Variants in FYB1 observed in about 807,000 individuals in gnomAD.
FYB1 encodes FYN-binding protein 1.
A neutral mutation model predicts 94.1 loss-of-function variants in FYB1; 41 were observed. The observed-to-expected ratio is 0.44, with a 90% CI of 0.34 to 0.57. The LOEUF (loss-of-function observed/expected upper bound fraction) is 0.57. FYB1 is among the 20% of genes least tolerant of loss of function. FYB1 has a pLI of 0.02. For missense variants in FYB1, 1,050 were observed against 976.8 expected (o/e 1.07, Z -1.00); for synonymous variants, 367 against 353.2 (o/e 1.04, Z -0.44).
rs200574314 is a variant in FYB1 at position 39,202,609 on chromosome 5, T to C, written c.352A>G (p.Ile118Val). ...GFLKPVGPKP[I>V]NLPKEDSKPT... The stretch of plus-strand genomic sequence containing the variant: ...TTGGAATCTTCTTTGGGCAAGTTGA[T>C]GGGCTTGGGGCCTACAGGTTTCAGA... Residue 118 changes from isoleucine to valine, a missense_variant, in exon 2 of 19, where the codon ATC (isoleucine) becomes GTC (valine). By Grantham distance (29) the Ile-to-Val change is conservative. Transcript: ENST00000512982. The C allele has an allele frequency of 1.7e-4, 281 of 1,613,744 alleles. No individual in the cohort carries two copies. The highest frequency in any genetic ancestry group is 2.2e-4 in the Non-Finnish European group (264 of 1,179,864).
chr5:39,167,411 C>T (rs1388422169), intron 2 of FYB1, among the ~76,000 whole-genome samples: 1 of 152,176 alleles, frequency 6.6e-6, no homozygotes, highest in African/African-American at 2.4e-5. Context: ...CCTCCTTGCC[C>T]TCTCTTTCCC....
rs56687145 is a variant in FYB1, at chr5:39,170,921, G to C, written c.1136-17317C>G. 3.0e-3 allele frequency among the ~76,000 whole-genome samples: 451 copies of C among 152,182 alleles called. 2 individuals carry two copies. The highest frequency in any genetic ancestry group is 0.011 in the African/African-American group (443 of 41,508). On this transcript the variant is annotated intron_variant, in intron 2 of 18. Transcript: ENST00000512982. ...CTTACCTAAGGAATTTGTACTCCCT[G>C]CTCTCTGATCAGAACGCTCCTTTCC...
chr5:39,201,691 C>A, intron 2 of FYB1, 135 bp downstream of exon 2: 2 of 794,214 alleles, frequency 2.5e-6, no homozygotes, highest in Non-Finnish European at 3.8e-6. Context: ...AAAAACAAGA[C>A]AAAGAAAATT....
chr5:39,200,422 C>A (rs1196854761), intron 2 of FYB1, among the ~76,000 whole-genome samples: 1 of 152,190 alleles, frequency 6.6e-6, no homozygotes, highest in African/African-American at 2.4e-5. Flanking sequence ...ATCAGAACTC[C>A]TTCCCTGGTG....
chr5:39,154,623 C>T (rs192471672), intron 2 of FYB1, among the ~76,000 whole-genome samples: 1 of 152,108 alleles, frequency 6.6e-6, no homozygotes, highest in Non-Finnish European at 1.5e-5. Flanking sequence ...TCTCCTGCCT[C>T]AGCCTCCTGA....
Position 39,212,618 on chromosome 5 carries a change from A to C in FYB1, c.-28+6825T>G, listed in dbSNP as rs529098137. 2.6e-5 allele frequency: 4 copies of C among 152,294 alleles called. No individual in the cohort carries two copies. In the South Asian group the frequency reaches 6.2e-4, roughly 24 times the overall value. 9.4% of individuals were successfully genotyped at this position (152,294 alleles called of 1,614,324 possible). A position where few individuals can be genotyped will look rare whatever the true frequency, so the allele number is the denominator to read the frequency against. ...ATAAGCACATCACACCTCTTAGCTCACTTTTTCTGATAACTGCACAGAAAC... is the reference window on the plus strand; with the variant it reads ...ATAAGCACATCACACCTCTTAGCTCCCTTTTTCTGATAACTGCACAGAAAC... On this transcript the variant is annotated intron_variant, in intron 1 of 18. Transcript: ENST00000512982.
rs531219061 is a variant in FYB1, at chr5:39,187,439, A to G, written c.1135+14387T>C. 1.4e-4 allele frequency among the ~76,000 whole-genome samples: 21 copies of G among 152,356 alleles called. No homozygotes were observed. The East Asian group carries it at 3.9e-3, about 28-fold the overall frequency. On this transcript the variant is annotated intron_variant, in intron 2 of 18. Transcript: ENST00000512982. Reference sequence around the variant, plus strand: ...AGTACCGTATAAGCCTATTTTGAAGACTAGGTACTTAACATACTAAAACAT... The same window carrying G: ...AGTACCGTATAAGCCTATTTTGAAGGCTAGGTACTTAACATACTAAAACAT...
At position 39,183,211 on chromosome 5, in the gene FYB1, C is replaced by G. The variant is rs539852108; in HGVS notation, c.1135+18615G>C. ...ATGTTGGTCAGGCTGGTCTCGAACT[C>G]CCAACCTCAGGTGATCCACCTGTCT... On this transcript the variant is annotated intron_variant, in intron 2 of 18. Transcript: ENST00000512982. 2.0e-5 allele frequency among the ~76,000 whole-genome samples: 3 copies of G among 152,200 alleles called. No homozygotes were observed. In the South Asian group the frequency reaches 6.2e-4, roughly 32 times the overall value.
intron 2 of FYB1, among the ~76,000 whole-genome samples, chr5:39,161,163 C>G (rs1162032598): frequency 3.4e-5 from 1 of 29,266 alleles, no homozygotes; most frequent in Non-Finnish European, 1.9e-4. Context: ...CATTTTCTTC[C>G]TAGCTAAACA....
chr5:39,236,790 TA>T (rs1410120388), intron 1 of FYB1, among the ~76,000 whole-genome samples: 6 of 152,266 alleles, frequency 3.9e-5, no homozygotes, highest in South Asian at 2.1e-4. Flanking sequence ...CTCTGCTGCT[TA>T]GCCAGTTTTT....
intron 2 of FYB1, chr5:39,169,627 C>A: frequency 6.7e-6 from 3 of 446,824 alleles, no homozygotes; most frequent in East Asian, 5.4e-5. Flanking sequence ...GGTGGATTAC[C>A]TGAGGTCAGG....
intron 1 of FYB1, among the ~76,000 whole-genome samples, chr5:39,212,279 G>C (rs1391049253): frequency 6.6e-6 from 1 of 151,972 alleles, no homozygotes; most frequent in African/African-American, 2.4e-5. Context: ...CTGTACTCTA[G>C]CCTGGGTGAC....
chr5:39,151,528 G>A (rs920611193), intron 3 of FYB1, among the ~76,000 whole-genome samples: 1 of 152,132 alleles, frequency 6.6e-6, no homozygotes, highest in African/African-American at 2.4e-5. Flanking sequence ...GAGCTCAAGC[G>A]ATCCTCCCAC....
At position 39,130,599 on chromosome 5, in the gene FYB1, C is replaced by A; in HGVS notation, c.1831G>T (p.Gly611Ter). Residue 611 changes from glycine (G) to a stop codon, truncating the protein, a stop_gained, in exon 10 of 19, where the codon GGA (glycine) becomes TGA (stop). Transcript: ENST00000512982. LOFTEE classifies it high-confidence loss of function. ...QDDISSHSQS[G>*]SGGIFPPPPD... ...GAAGCGTGTGGCTTACCTCCACTTC[C>A]ACTCTGACTGTGGCTAGAAAAGAAA... The A allele has an allele frequency of 6.4e-7, 1 of 1,574,734 alleles. No individual in the cohort carries two copies. The highest frequency in any genetic ancestry group is 2.3e-5 in the East Asian group (1 of 43,470).
chr5:39,246,409 T>C (rs1751480361), intron 1 of FYB1, among the ~76,000 whole-genome samples: 1 of 152,192 alleles, frequency 6.6e-6, no homozygotes, highest in Non-Finnish European at 1.5e-5. Flanking sequence ...CAGCTTGGAG[T>C]TATTGCCAAC....
chr5:39,271,678 A>T (rs1752667325), intron 1 of FYB1, among the ~76,000 whole-genome samples: 1 of 152,232 alleles, frequency 6.6e-6, no homozygotes, highest in South Asian at 2.1e-4. Context: ...AAATTAAGAC[A>T]TAATTAGAAA....
intron 14 of FYB1, among the ~76,000 whole-genome samples, chr5:39,122,032 A>C (rs999835785): frequency 2.0e-5 from 3 of 152,148 alleles, no homozygotes; most frequent in African/African-American, 7.2e-5. Flanking sequence ...ATGAATAAAT[A>C]AACCAGACAT....
chr5:39,134,770 C>T, intron 8 of FYB1, 85 bp downstream of exon 8: 2 of 1,431,062 alleles, frequency 1.4e-6, no homozygotes, highest in Non-Finnish European at 1.9e-6. Flanking sequence ...AACTCGATGC[C>T]TATGACGAGT....
intron 2 of FYB1, among the ~76,000 whole-genome samples, chr5:39,189,751 C>A (rs1369083977): frequency 6.6e-6 from 1 of 152,236 alleles, no homozygotes; most frequent in Admixed American, 6.5e-5. Flanking sequence ...ACTTTTCCAG[C>A]TCAAGGTGCA....
Sources: allele counts gnomAD v4.1 joint callset (sites outside exome capture counted in the v4.1 genomes callset), GRCh38; gene constraint gnomAD v4.1.1; transcripts MANE v1.5; gene names NCBI Gene and HGNC (gene_info 2026-07-23, HGNC 2026-07-21).